Variants in PCDH15 observed in about 807,000 individuals in gnomAD.
The protein encoded by PCDH15 is protocadherin-15.
In PCDH15, 129 loss-of-function variants were observed where a neutral mutation model predicts 178.5. That is an observed-to-expected ratio of 0.72 (90% CI 0.63 to 0.84). The LOEUF is 0.84. Among genes scored for constraint, PCDH15 ranks in the 40% least tolerant of loss-of-function variants. PCDH15 has a pLI of 0.00. For missense variants in PCDH15, 2,230 were observed against 2,099.9 expected (o/e 1.06, Z -1.21); for synonymous variants, 800 against 732.0 (o/e 1.09, Z -1.50).
At chr10:53,807,630 G>A (rs1841282362) in intron 37 of PCDH15, among the ~76,000 whole-genome samples, 1 of 151,854 alleles carries the variant, frequency 6.6e-6, no homozygotes. Flanking sequence ...ATAATTTAAT[G>A]CATTTTGTAT....
At chr10:54,979,424 T>G (rs188571892) in intron 2 of PCDH15, among the ~76,000 whole-genome samples, 1 of 152,162 alleles carries the variant, frequency 6.6e-6, no homozygotes, top group Admixed American at 6.5e-5. Flanking sequence ...ATCCCAGCAC[T>G]TTGGGAGCCC....
intron 37 of PCDH15, among the ~76,000 whole-genome samples, chr10:53,807,667 T>G (rs1031740151): frequency 8.9e-5 from 12 of 134,380 alleles, no homozygotes; most frequent in South Asian, 2.5e-4. Context: ...TACTTGACTT[T>G]ACTTATTTAC....
At chr10:55,090,920 T>TC (rs397731856) in intron 2 of PCDH15, among the ~76,000 whole-genome samples, 1 of 151,868 alleles carries the variant, frequency 6.6e-6, no homozygotes, top group African/African-American at 2.4e-5. Flanking sequence ...TTCTTTTTTT[T>TC]GGACTAAAGT....
At chr10:54,920,183 T>C (rs1402258505) in intron 2 of PCDH15, among the ~76,000 whole-genome samples, 3 of 152,042 alleles carry the variant, frequency 2.0e-5, no homozygotes, top group Non-Finnish European at 4.4e-5. Flanking sequence ...AAAACAAAAA[T>C]TTCTCGGCCG....
chr10:54,906,396 C>T (rs1003668080), intron 2 of PCDH15, among the ~76,000 whole-genome samples: 1 of 151,630 alleles, frequency 6.6e-6, no homozygotes, highest in South Asian at 2.1e-4. Flanking sequence ...ATTTTCAATC[C>T]AGAACTGTTA....
chr10:54,737,688 CA>C (rs1466498572), intron 1 of PCDH15, among the ~76,000 whole-genome samples: 1 of 148,392 alleles, frequency 6.7e-6, no homozygotes, highest in Non-Finnish European at 1.5e-5. Flanking sequence ...AGATTTTAGT[CA>C]AACTTTGAAA....
chr10:55,472,029 A>G (rs546350339), intron 2 of PCDH15, among the ~76,000 whole-genome samples: 17 of 152,276 alleles, frequency 1.1e-4, no homozygotes, highest in African/African-American at 3.1e-4. Context: ...AGCAGGCTAC[A>G]ATAGGGTTTC....
intron 2 of PCDH15, among the ~76,000 whole-genome samples, chr10:55,498,587 C>A (rs1338670324): frequency 6.6e-6 from 1 of 151,818 alleles, no homozygotes; most frequent in African/African-American, 2.4e-5. Context: ...TCAATTGTAT[C>A]TTTGAACAAT....
chr10:54,490,318 C>T (rs558062167), intron 3 of PCDH15, among the ~76,000 whole-genome samples: 66 of 151,892 alleles, frequency 4.3e-4, no homozygotes, highest in African/African-American at 6.0e-4. Flanking sequence ...GGCGTGGTGG[C>T]GGGTGCCTGT....
At position 54,284,438 on chromosome 10, in the gene PCDH15, T is replaced by C. The variant is rs142270525; in HGVS notation, c.876+32833A>G. On this transcript the variant is annotated intron_variant, in intron 8 of 37. Transcript: ENST00000644397. ...CAATGTGTGGCACATTTAAGGATTA[T>C]TTTCCAGTATATCATAAATATATTA... Among the ~76,000 whole-genome samples, 480 of 152,314 alleles carry C rather than the reference T, an allele frequency of 3.2e-3. 5 individuals carry two copies. The highest frequency in any genetic ancestry group is 8.9e-3 in the African/African-American group (371 of 41,570).
chr10:53,972,062 A>C (rs1041764727), intron 21 of PCDH15, among the ~76,000 whole-genome samples: 2 of 152,174 alleles, frequency 1.3e-5, no homozygotes, highest in Non-Finnish European at 2.9e-5. Flanking sequence ...GTAACCAAAA[A>C]CAGCATGATA....
intron 8 of PCDH15, among the ~76,000 whole-genome samples, chr10:54,273,993 G>A (rs1283802597): frequency 1.3e-5 from 2 of 152,010 alleles, no homozygotes; most frequent in East Asian, 3.9e-4. Flanking sequence ...CAGGGATGTG[G>A]ATGTAGTTGG....
intron 2 of PCDH15, among the ~76,000 whole-genome samples, chr10:55,158,078 GTATA>G (rs1176916491): frequency 6.8e-5 from 8 of 117,176 alleles, no homozygotes; most frequent in African/African-American, 2.1e-4. Flanking sequence ...GTATGTGTGT[GTATA>G]TATATATATA....
At chr10:54,805,487 C>T (rs114887955), upstream of PCDH15, among the ~76,000 whole-genome samples, 560 of 152,216 alleles carry the variant, frequency 3.7e-3, 3 homozygotes, top group African/African-American at 0.012. Flanking sequence ...TGTATTCACA[C>T]CAATAAGTCT....
intron 2 of PCDH15, among the ~76,000 whole-genome samples, chr10:55,495,475 G>A (rs1404210140): frequency 6.6e-6 from 1 of 151,562 alleles, no homozygotes; most frequent in Non-Finnish European, 1.5e-5. Context: ...TTTCAACAAA[G>A]ACCATATACA....
intron 2 of PCDH15, among the ~76,000 whole-genome samples, chr10:55,160,293 G>A (rs61850940): frequency 0.13 from 18,959 of 151,594 alleles, 1,336 homozygotes; most frequent in African/African-American, 0.2. Context: ...AAAGCAATCC[G>A]GGAGGCAGCC....
intron 2 of PCDH15, among the ~76,000 whole-genome samples, chr10:55,070,130 T>C (rs1398671959): frequency 9.0e-5 from 13 of 144,366 alleles, no homozygotes; most frequent in East Asian, 6.5e-4. Context: ...GGGTTGTTTG[T>C]TTTTTTCTTG....
chr10:54,218,519 T>G (rs932042592), intron 9 of PCDH15, among the ~76,000 whole-genome samples: 1 of 152,212 alleles, frequency 6.6e-6, no homozygotes, highest in African/African-American at 2.4e-5. Context: ...TCTCTCTTTC[T>G]TTCTATCTCT....
chr10:53,822,393 C>T (rs148749397), intron 32 of PCDH15: 5 of 1,565,514 alleles, frequency 3.2e-6, no homozygotes, highest in Non-Finnish European at 1.7e-6. Context: ...GGGAGGAGGA[C>T]AAAAAAGAGA....
Sources: allele counts gnomAD v4.1 joint callset (sites outside exome capture counted in the v4.1 genomes callset), GRCh38; gene constraint gnomAD v4.1.1; transcripts MANE v1.5; gene names NCBI Gene and HGNC (gene_info 2026-07-23, HGNC 2026-07-21).